Variants in EYS observed in about 807,000 individuals in gnomAD.
EYS encodes EGF-like photoreceptor maintenance factor, also known as protein eyes shut homolog.
In EYS, 250 loss-of-function variants were observed where a neutral mutation model predicts 282.1. That is an observed-to-expected ratio of 0.89 (90% CI 0.80 to 0.98). The LOEUF is 0.98. Among genes scored for constraint, EYS ranks in the 50% least tolerant of loss-of-function variants. The probability of loss-of-function intolerance (pLI) is 0.00; values close to 1 mark genes in which losing one functional copy is unlikely to be tolerated. For missense variants in EYS, 4,016 were observed against 3,709.0 expected, an observed-to-expected ratio of 1.08 and a Z score of -2.15; for synonymous variants, 1,355 against 1,282.9, an observed-to-expected ratio of 1.06 and a Z score of -1.20.
intron 12 of EYS, among the ~76,000 whole-genome samples, chr6:65,282,232 TG>T (rs1306036170): frequency 6.6e-6 from 1 of 152,078 alleles, no homozygotes; most frequent in African/African-American, 2.4e-5. Flanking sequence ...ACATTTCAAA[TG>T]TTCTCATCAC....
chr6:65,516,807 AAG>A (rs1321598765), intron 2 of EYS, among the ~76,000 whole-genome samples: 1 of 152,058 alleles, frequency 6.6e-6, no homozygotes, highest in African/African-American at 2.4e-5. Context: ...ATTTTTCTCA[AAG>A]AGAATACAAT....
chr6:64,488,692 T>C (rs16895281), intron 26 of EYS, among the ~76,000 whole-genome samples: 45,226 of 150,812 alleles, frequency 0.3, 6,832 homozygotes, highest in East Asian at 0.47. Context: ...AAACAAATTA[T>C]CTGCTTAAAT....
chr6:63,941,071 T>A (rs1358844471), intron 35 of EYS, among the ~76,000 whole-genome samples: 2 of 152,184 alleles, frequency 1.3e-5, no homozygotes, highest in Admixed American at 1.3e-4. Context: ...ATTTTCTTAA[T>A]CCAGACTATC....
intron 2 of EYS, among the ~76,000 whole-genome samples, chr6:65,614,862 T>A (rs752200431): frequency 9.0e-6 from 1 of 111,026 alleles, no homozygotes; most frequent in Non-Finnish European, 1.9e-5. Flanking sequence ...TCTGTAGTAA[T>A]CTTTAAAGAT....
intron 33 of EYS, among the ~76,000 whole-genome samples, chr6:64,018,356 A>G (rs1410559296): frequency 6.6e-6 from 1 of 151,770 alleles, no homozygotes; most frequent in African/African-American, 2.4e-5. Context: ...TTATATATTC[A>G]GGGGTTTTTT....
At chr6:64,343,068 T>G (rs1312869754) in intron 29 of EYS, among the ~76,000 whole-genome samples, 6 of 151,672 alleles carry the variant, frequency 4.0e-5, no homozygotes, top group African/African-American at 1.5e-4. Context: ...AGTACTTAGT[T>G]ACCTACAAAG....
intron 13 of EYS, among the ~76,000 whole-genome samples, chr6:65,006,378 C>A (rs1012593140): frequency 5.9e-5 from 9 of 151,786 alleles, no homozygotes; most frequent in African/African-American, 1.9e-4. Context: ...AACCCAGTAA[C>A]CCACAGATGG....
chr6:65,116,928 G>A (rs1227661439), intron 12 of EYS, among the ~76,000 whole-genome samples: 1 of 152,094 alleles, frequency 6.6e-6, no homozygotes, highest in Non-Finnish European at 1.5e-5. Flanking sequence ...TGGTTTAGGG[G>A]CTTCTGTGGG....
At chr6:64,630,507 A>C (rs984175436) in intron 22 of EYS, among the ~76,000 whole-genome samples, 1 of 152,210 alleles carries the variant, frequency 6.6e-6, no homozygotes, top group Non-Finnish European at 1.5e-5. Context: ...CTGTTGATAT[A>C]TAATCATATT....
intron 14 of EYS, among the ~76,000 whole-genome samples, chr6:64,978,999 T>C (rs1012924258): frequency 2.0e-5 from 3 of 151,838 alleles, no homozygotes; most frequent in African/African-American, 7.2e-5. Context: ...AATGACAAAA[T>C]GGGATTTAGA....
At chr6:65,636,228 A>C (rs896630151) in intron 2 of EYS, among the ~76,000 whole-genome samples, 3 of 152,228 alleles carry the variant, frequency 2.0e-5, no homozygotes, top group Admixed American at 2.0e-4. Context: ...TGTCTTTCTT[A>C]AACAGAAGCG....
At chr6:65,522,520 T>C (rs762273092) in intron 2 of EYS, among the ~76,000 whole-genome samples, 16 of 152,264 alleles carry the variant, frequency 1.1e-4, no homozygotes, top group African/African-American at 3.9e-4. Flanking sequence ...TTGTTTGTTT[T>C]TGAGAGAGTC....
intron 14 of EYS, among the ~76,000 whole-genome samples, chr6:64,956,566 G>A (rs9453131): frequency 1.3e-3 from 198 of 152,192 alleles, no homozygotes; most frequent in African/African-American, 4.6e-3. Context: ...GGCAACCAAA[G>A]CAAAAATGGA....
intron 14 of EYS, among the ~76,000 whole-genome samples, chr6:64,960,973 C>T (rs572043572): frequency 5.3e-5 from 8 of 152,300 alleles, no homozygotes; most frequent in Admixed American, 1.3e-4. Context: ...CATATCCCTG[C>T]AAAGACATGA....
chr6:64,417,583 A>C (rs1319884222), intron 28 of EYS, among the ~76,000 whole-genome samples: 2 of 151,958 alleles, frequency 1.3e-5, no homozygotes, highest in African/African-American at 4.8e-5. Flanking sequence ...ATTTAGTTGC[A>C]TACTAGTTAT....
At chr6:65,542,624 T>A (rs1481856330) in intron 2 of EYS, among the ~76,000 whole-genome samples, 2 of 152,106 alleles carry the variant, frequency 1.3e-5, no homozygotes, top group Non-Finnish European at 2.9e-5. Context: ...ATTCCATTTT[T>A]TATTATGCTT....
intron 33 of EYS, among the ~76,000 whole-genome samples, chr6:64,010,296 G>C (rs1768549815): frequency 6.6e-6 from 1 of 151,810 alleles, no homozygotes; most frequent in Non-Finnish European, 1.5e-5. Context: ...TCTGACAGTG[G>C]TGGTGGTGTG....
At chr6:65,646,600 C>T (rs771452245) in intron 1 of EYS, among the ~76,000 whole-genome samples, 9 of 152,174 alleles carry the variant, frequency 5.9e-5, no homozygotes, top group Non-Finnish European at 1.2e-4. Flanking sequence ...TGCATTCCTT[C>T]TGAGAACCAG....
chr6:65,416,559 C>T (rs1767245707), intron 5 of EYS, among the ~76,000 whole-genome samples: 1 of 151,922 alleles, frequency 6.6e-6, no homozygotes, highest in Admixed American at 6.6e-5. Flanking sequence ...ACTAGCTCTG[C>T]TATCCTAACA....
Sources: gnomAD v4.1 joint callset for allele counts (sites outside exome capture counted in the v4.1 genomes callset) on GRCh38, gnomAD v4.1.1 for gene constraint, MANE v1.5 for transcripts, NCBI Gene and HGNC (gene_info 2026-07-23, HGNC 2026-07-21) for gene names.